DRP2: variants seen among roughly 807,000 people sequenced by gnomAD.
The protein encoded by DRP2 is dystrophin related protein 2.
A neutral mutation model predicts 78.2 loss-of-function variants in DRP2; 29 were observed. The observed-to-expected ratio is 0.37, with a 90% confidence interval of 0.28 to 0.51. The LOEUF is 0.51. Ranked by LOEUF, DRP2 falls within the 20% of genes least tolerant of loss-of-function variation. The pLI is 0.94. For missense variants in DRP2, 686 were observed against 770.6 expected, an observed-to-expected ratio of 0.89 and a Z score of 1.30; for synonymous variants, 290 against 281.9, an observed-to-expected ratio of 1.03 and a Z score of -0.29.
rs1041043101 is a variant in DRP2, at chrX:101,255,968, C to T, written c.2247-150C>T. 1.8e-5 allele frequency: 12 copies of T among 667,698 alleles called. No individual in the cohort carries two copies. In the African/African-American group the frequency reaches 2.7e-4, roughly 15 times the overall value. The allele number at this position is 667,698 out of a possible 1,213,427, so 55.0% of individuals were successfully genotyped here. ...TCTGCCTCCTTTGAACACTTTCATCCCTCTCAAGCCTCAGTATATGTCCTT... is the reference window on the plus strand; with the variant it reads ...TCTGCCTCCTTTGAACACTTTCATCTCTCTCAAGCCTCAGTATATGTCCTT... On this transcript the variant is annotated intron_variant, in intron 20 of 23. Transcript: ENST00000395209.
At chrX:101,252,350 G>A (rs916636126) in intron 16 of DRP2, among the ~76,000 whole-genome samples, 1 of 111,681 alleles carries the variant, frequency 9.0e-6, no homozygotes, top group African/African-American at 3.3e-5. Flanking sequence ...AACAAAGGTG[G>A]TGAGACAATG....
intron 2 of DRP2, among the ~76,000 whole-genome samples, chrX:101,225,829 A>C (rs1014617527): frequency 8.9e-6 from 1 of 112,100 alleles, no homozygotes; most frequent in Non-Finnish European, 1.9e-5. Flanking sequence ...TGGTGTGGGG[A>C]ATAATTCTGT....
At chrX:101,251,233 T>C in intron 16 of DRP2, 150 bp downstream of exon 16, 1 of 527,974 alleles carries the variant, frequency 1.9e-6, no homozygotes, top group Non-Finnish European at 2.8e-6. Context: ...TCCTTTATAT[T>C]GCAGAATGTT....
intron 2 of DRP2, among the ~76,000 whole-genome samples, chrX:101,230,135 A>G (rs1239314339): frequency 8.9e-6 from 1 of 112,105 alleles, no homozygotes; most frequent in Non-Finnish European, 1.9e-5. Flanking sequence ...TGTCTGCTTC[A>G]TCCTCACGGC....
intron 22 of DRP2, among the ~76,000 whole-genome samples, chrX:101,259,698 A>G (rs1334924803): frequency 9.0e-6 from 1 of 111,109 alleles, no homozygotes; most frequent in Admixed American, 9.5e-5. Flanking sequence ...GGGTTTCTCC[A>G]TGTTGGTTAG....
intron 2 of DRP2, among the ~76,000 whole-genome samples, chrX:101,226,589 G>T (rs1318442610): frequency 1.8e-5 from 2 of 111,616 alleles, no homozygotes; most frequent in African/African-American, 6.5e-5. Context: ...AACAGCCTGT[G>T]TATGGCTTTT....
At position 101,262,693 on chromosome X, in the gene DRP2, A is replaced by G. The variant is rs1476732269; in HGVS notation, c.*2072A>G. On this transcript the variant is annotated 3_prime_UTR_variant, in exon 24 of 24. Coordinates refer to ENST00000395209, the MANE Select transcript of DRP2 (RefSeq NM_001939.3). ...CAGCATAACATCTGCCTTAGTGTTC[A>G]TGAGGTCTCTGGGCAGGAGAACTGG... The G allele has an allele frequency of 9.0e-6, 1 of 111,406 alleles. No homozygotes were observed. The highest frequency in any genetic ancestry group is 1.9e-5 in the Non-Finnish European group (1 of 53,113). The allele number at this position is 111,406 out of a possible 1,213,427, so 9.2% of individuals were successfully genotyped here.
At chrX:101,238,859 T>C in intron 5 of DRP2, 122 bp from the exon 6 acceptor site, 2 of 910,681 alleles carry the variant, frequency 2.2e-6, no homozygotes, top group Admixed American at 5.7e-5. Flanking sequence ...AGTTCAAAGA[T>C]ACCTGATAAT....
intron 11 of DRP2, among the ~76,000 whole-genome samples, chrX:101,246,293 C>T (rs767497771): frequency 2.8e-4 from 31 of 112,422 alleles, no homozygotes; most frequent in African/African-American, 8.7e-4. Flanking sequence ...CTTTAAAAGA[C>T]TGTCCAGGCT....
rs3213505 is a variant in DRP2, at chrX:101,256,109, C to T, written c.2247-9C>T. 401,951 of 1,172,525 alleles carry T rather than the reference C, an allele frequency of 0.34. 48,139 individuals carry two copies. Among genetic ancestry groups the T allele is most frequent in the Middle Eastern group, 0.41 (1,644 of 3,966 alleles). On this transcript the variant is annotated splice_polypyrimidine_tract_variant and intron_variant, in intron 20 of 23. Transcript: ENST00000395209. ...GGTCACCTACTCTGCTTTCCCCACACCCATGCAGAGACGAGGACCAGTACC... is the reference window on the plus strand; with the variant it reads ...GGTCACCTACTCTGCTTTCCCCACATCCATGCAGAGACGAGGACCAGTACC...
At position 101,248,396 on chromosome X, in the gene DRP2, AGCT is replaced by A. The variant is rs112422904; in HGVS notation, c.1454+107_1454+109del. The A allele has an allele frequency of 7.4e-3, 8,090 of 1,098,379 alleles. 351 individuals are homozygous for A. The African/African-American group carries it at 0.12, about 17-fold the overall frequency. The allele number at this position is 1,098,379 out of a possible 1,213,427, so 90.5% of individuals were successfully genotyped here. On this transcript the variant is annotated intron_variant, in intron 13 of 23. Transcript: ENST00000395209. ...CCCATAGTAGACTTGGACCCAGCTC[AGCT>A]TGGGGCATGGTTGGAACAGGGCCCT...
At chrX:101,247,043 A>G in intron 11 of DRP2, 47 bp from the exon 12 acceptor site, 1 of 1,158,792 alleles carries the variant, frequency 8.6e-7, no homozygotes, top group Non-Finnish European at 1.2e-6. Flanking sequence ...TTGCGGCTTT[A>G]ACTTGAATTT....
At chrX:101,234,509 G>A (rs1602914813) in intron 3 of DRP2, among the ~76,000 whole-genome samples, 1 of 112,780 alleles carries the variant, frequency 8.9e-6, no homozygotes, top group Non-Finnish European at 1.9e-5. Context: ...TAAACAAACA[G>A]GGTGACCCCT....
chrX:101,240,821 G>A (rs1055417935), intron 6 of DRP2, among the ~76,000 whole-genome samples: 1 of 112,197 alleles, frequency 8.9e-6, no homozygotes, highest in East Asian at 2.8e-4. Context: ...TGCCCGATGG[G>A]CCTCAGATAG....
At chrX:101,242,548 A>T (rs895754991) in intron 8 of DRP2, 77 bp downstream of exon 8, 1 of 1,113,390 alleles carries the variant, frequency 9.0e-7, no homozygotes, top group African/African-American at 1.8e-5. Flanking sequence ...CTTCAGGGGT[A>T]TGGAAATAGG....
At chrX:101,239,884 T>TTTTTTTAAA (rs1033734235) in intron 6 of DRP2, among the ~76,000 whole-genome samples, 1 of 111,156 alleles carries the variant, frequency 9.0e-6, no homozygotes, top group Non-Finnish European at 1.9e-5. Context: ...GCCCAAAATT[T>TTTTTTTAAA]TTTTTTAAAT....
At chrX:101,228,189 C>T (rs1385900721) in intron 2 of DRP2, among the ~76,000 whole-genome samples, 1 of 111,739 alleles carries the variant, frequency 8.9e-6, no homozygotes, top group East Asian at 2.8e-4. Context: ...CGCTTTGATC[C>T]AGGAATTCTC....
intron 14 of DRP2, 87 bp from the exon 15 acceptor site, chrX:101,250,336 C>T: frequency 8.7e-7 from 1 of 1,149,645 alleles, no homozygotes. Context: ...GTGCTCTTTC[C>T]CTATTTTCCT....
intron 3 of DRP2, among the ~76,000 whole-genome samples, chrX:101,232,381 G>A (rs970045261): frequency 3.6e-5 from 4 of 111,305 alleles, no homozygotes; most frequent in Non-Finnish European, 5.7e-5. Context: ...GAGGTCTAGG[G>A]AAAGTTGACT....
Sources: allele counts gnomAD v4.1 joint callset (sites outside exome capture counted in the v4.1 genomes callset), GRCh38; gene constraint gnomAD v4.1.1; transcripts MANE v1.5; gene names NCBI Gene and HGNC (gene_info 2026-07-23, HGNC 2026-07-21).